The following MIEF1 variants were observed in gnomAD, a reference collection of about 807,000 sequenced individuals.
MIEF1 encodes mitochondrial elongation factor 1.
In MIEF1, 14 loss-of-function variants were observed where a neutral mutation model predicts 35.1. The observed-to-expected ratio is 0.40, with a 90% CI of 0.26 to 0.62. The LOEUF (loss-of-function observed/expected upper bound fraction) is 0.62. MIEF1 is among the 20% of genes least tolerant of loss of function. The probability of loss-of-function intolerance (pLI) is 0.43; values close to 1 mark genes in which losing one functional copy is unlikely to be tolerated. For synonymous variants in MIEF1, 245 were observed against 254.3 expected, an observed-to-expected ratio of 0.96 and a Z score of 0.35; for missense variants, 542 against 615.4, an observed-to-expected ratio of 0.88 and a Z score of 1.26.
At chr22:39,510,520 C>T (rs543836329) in intron 2 of MIEF1, among the ~76,000 whole-genome samples, 1 of 152,338 alleles carries the variant, frequency 6.6e-6, no homozygotes, top group South Asian at 2.1e-4. Context: ...ATCTTCCCAC[C>T]TCAGCCTCCC....
intron 2 of MIEF1, among the ~76,000 whole-genome samples, chr22:39,505,194 C>CAA (rs150106942): frequency 7.5e-5 from 11 of 145,698 alleles, no homozygotes; most frequent in Admixed American, 4.1e-4. Flanking sequence ...ACTCCGTCTC[C>CAA]AAAAAAAAAA....
chr22:39,505,103 A>C (rs1601742795), intron 2 of MIEF1, among the ~76,000 whole-genome samples: 1 of 152,020 alleles, frequency 6.6e-6, no homozygotes, highest in Non-Finnish European at 1.5e-5. Context: ...CTGAGGCAGG[A>C]GAATTGCTTG....
In MIEF1 at chr22:39,514,715, G is replaced by A. The variant is rs988848055; in HGVS notation, c.*392G>A. On this transcript the variant is annotated 3_prime_UTR_variant, in exon 6 of 6. Coordinates refer to ENST00000325301, the MANE Select transcript of MIEF1 (RefSeq NM_019008.6). ...TGTCTTTTCTATTTTTTCCTCTCTC[G>A]TTCATGCCTTCTGTTTTGCTCTTGT... 9.1e-5 allele frequency: 24 copies of A among 264,356 alleles called. No homozygotes were observed. Among genetic ancestry groups the A allele is most frequent in the African/African-American group, 4.7e-4 (21 of 45,160 alleles). 16.4% of individuals were successfully genotyped at this position (264,356 alleles called of 1,614,324 possible).
intron 5 of MIEF1, among the ~76,000 whole-genome samples, chr22:39,512,868 C>T (rs776125543): frequency 3.3e-5 from 5 of 151,984 alleles, no homozygotes; most frequent in African/African-American, 7.2e-5. Flanking sequence ...AGGCTGGTCT[C>T]GAATTCCTGA....
At chr22:39,504,002 C>T (rs1929886317) in intron 1 of MIEF1, 1 of 376,220 alleles carries the variant, frequency 2.7e-6, no homozygotes, top group African/African-American at 2.1e-5. Context: ...GATTTGAGCC[C>T]TGGTGAACCA....
At chr22:39,512,671 G>A (rs1930418610) in intron 5 of MIEF1, among the ~76,000 whole-genome samples, 177 bp downstream of exon 5, 1 of 151,960 alleles carries the variant, frequency 6.6e-6, no homozygotes, top group Non-Finnish European at 1.5e-5. Context: ...TTTTGAGACG[G>A]AGTCTCACTC....
At chr22:39,513,363 C>T (rs992924315) in intron 5 of MIEF1, among the ~76,000 whole-genome samples, 154 bp from the exon 6 acceptor site, 1 of 152,186 alleles carries the variant, frequency 6.6e-6, no homozygotes, top group Non-Finnish European at 1.5e-5. Context: ...CTCAGCTTCC[C>T]ACAGTGCTGA....
chr22:39,513,852 T>A lies in MIEF1; in HGVS notation c.921T>A (p.His307Gln). The A allele has an allele frequency of 6.2e-7, 1 of 1,613,942 alleles. No individual in the cohort carries two copies. Among genetic ancestry groups the A allele is most frequent in the Non-Finnish European group, 8.5e-7 (1 of 1,179,980 alleles). Residue 307 changes from histidine to glutamine, a missense_variant, in exon 6 of 6, where the codon CAT becomes CAA. By Grantham distance (24) the His-to-Gln change is conservative. Transcript: ENST00000325301. ...AGGTGCAGTATGAGCGTGACAAACA[T>A]CTCTTCATTGACTTCCTGCCATCAG... ...TLEVQYERDK[H>Q]LFIDFLPSVT... is the part of the protein sequence containing the mutation.
intron 5 of MIEF1, 138 bp downstream of exon 5, chr22:39,512,632 G>A: frequency 8.6e-7 from 1 of 1,165,122 alleles, no homozygotes; most frequent in East Asian, 2.5e-5. Context: ...AGCAGCATTT[G>A]GAGATCCATG....
At position 39,513,485 on chromosome 22, in the gene MIEF1, C is replaced by T. The variant is rs200965423; in HGVS notation, c.586-32C>T. On this transcript the variant is annotated intron_variant, in intron 5 of 5. Coordinates refer to ENST00000325301, the MANE Select transcript of MIEF1 (RefSeq NM_019008.6). The stretch of plus-strand genomic sequence containing the variant: ...AAGCATGTCTTTTGAACAGAGTAAA[C>T]CCTCAAAACCCTTTAAATTCTGCCC... 2.2e-4 allele frequency: 355 copies of T among 1,599,658 alleles called. 3 individuals are homozygous for T. In the African/African-American group the frequency reaches 3.6e-3, roughly 16 times the overall value.
At position 39,515,541 on chromosome 22, in the gene MIEF1, G is replaced by A. The variant is rs552587875; in HGVS notation, c.*1218G>A. ...TCCTGTTTCTCACCCAGCACCTGGG[G>A]AGATCGGTGCTACCAAGGAAGAGAG... On this transcript the variant is annotated 3_prime_UTR_variant, in exon 6 of 6. Coordinates refer to ENST00000325301, the MANE Select transcript of MIEF1 (RefSeq NM_019008.6). The A allele has an allele frequency of 1.1e-4, 65 of 589,306 alleles. No homozygotes were observed. In the East Asian group the frequency reaches 1.8e-3, roughly 16 times the overall value. The allele number at this position is 589,306 out of a possible 1,614,324, so 36.5% of individuals were successfully genotyped here.
chr22:39,514,315 C>G lies in MIEF1; in HGVS notation c.1384C>G (p.Gln462Glu), dbSNP rs187514447. ...CSLSEPEVLLQT is the reference protein window; with the variant it reads ...CSLSEPEVLLET ...ATTGTCTGAGCCAGAGGTGCTGCTG[C>G]AGACGTAGGGCAGGTGAAGGCCAAA... The change falls in exon 6 of 6, where the codon CAG becomes GAG. Residue 462 changes from glutamine (Q) to glutamate (E), a missense_variant. Transcript: ENST00000325301. 1 of 1,613,266 alleles carries G rather than the reference C, an allele frequency of 6.2e-7. No homozygotes were observed. Among genetic ancestry groups the G allele is most frequent in the African/African-American group, 1.3e-5 (1 of 75,032 alleles).
chr22:39,507,915 C>T (rs562044648), intron 2 of MIEF1, among the ~76,000 whole-genome samples: 1 of 152,072 alleles, frequency 6.6e-6, no homozygotes, highest in African/African-American at 2.4e-5. Context: ...GGCATCACTG[C>T]GAATTTTCAA....
intron 2 of MIEF1, among the ~76,000 whole-genome samples, chr22:39,507,410 T>C (rs960897103): frequency 6.6e-6 from 1 of 151,880 alleles, no homozygotes; most frequent in Non-Finnish European, 1.5e-5. Context: ...CACACCTGGC[T>C]AATTTTTTGT....
rs755923901 is a variant in MIEF1 at position 39,512,360 on chromosome 22, G to T, written c.451G>T (p.Ala151Ser). 4.3e-6 allele frequency: 7 copies of T among 1,614,244 alleles called. No individual in the cohort carries two copies. The highest frequency in any genetic ancestry group is 5.9e-6 in the Non-Finnish European group (7 of 1,180,050). Residue 151 changes from alanine (A) to serine (S), a missense_variant, in exon 5 of 6, where the codon GCT becomes TCT. Coordinates refer to ENST00000325301, the MANE Select transcript of MIEF1 (RefSeq NM_019008.6). ...TYYRNRAAIP[A>S]GEQARAKQAA... ...CTACCGGAACCGGGCAGCCATCCCT[G>T]CTGGAGAGCAGGCTCGGGCCAAGCA...
chr22:39,513,821 C>T lies in MIEF1; in HGVS notation c.890C>T (p.Thr297Ile), dbSNP rs1930500708. Reference sequence around the variant, plus strand: ...CCGGCCCCACCCCCAGAAGCCCTCACACTGGAGGTGCAGTATGAGCGTGAC... The same window carrying T: ...CCGGCCCCACCCCCAGAAGCCCTCATACTGGAGGTGCAGTATGAGCGTGAC... ...IRPAPPPEAL[T>I]LEVQYERDKH... Residue 297 changes from threonine to isoleucine, a missense_variant, in exon 6 of 6, where the codon ACA becomes ATA. By Grantham distance (89) the Thr-to-Ile change is moderately conservative (BLOSUM62 -1). Transcript: ENST00000325301. 6.2e-7 allele frequency: 1 copy of T among 1,614,136 alleles called. No homozygotes were observed. Among genetic ancestry groups the T allele is most frequent in the Middle Eastern group, 1.6e-4 (1 of 6,062 alleles).
rs373651311 is a variant in MIEF1 at position 39,512,069 on chromosome 22, C to G, written c.322+43C>G. 8 of 1,592,252 alleles carry G rather than the reference C, an allele frequency of 5.0e-6. No individual in the cohort carries two copies. The African/African-American group carries it at 6.7e-5, about 13-fold the overall frequency. On this transcript the variant is annotated intron_variant, in intron 4 of 5. Transcript: ENST00000325301. ...CCCTCCTGGGACCTCTCTGGACTTTCAGTACCACTCCTGCACTCAGCAGAT... is the reference window on the plus strand; with the variant it reads ...CCCTCCTGGGACCTCTCTGGACTTTGAGTACCACTCCTGCACTCAGCAGAT...
In MIEF1 at chr22:39,514,075, G is replaced by A; in HGVS notation, c.1144G>A (p.Ala382Thr). 2 of 1,614,074 alleles carry A rather than the reference G, an allele frequency of 1.2e-6. No individual in the cohort carries two copies. The highest frequency in any genetic ancestry group is 1.3e-5 in the African/African-American group (1 of 75,046). Residue 382 changes from alanine (A) to threonine (T), a missense_variant, in exon 6 of 6, where the codon GCC becomes ACC. Coordinates refer to ENST00000325301, the MANE Select transcript of MIEF1 (RefSeq NM_019008.6). ...CACCCCGGCTCTGGGCCACCTCACT[G>A]CCAGCCAGCTAACCAATGTCATCCT... The part of the protein sequence containing the change: ...KSTPALGHLT[A>T]SQLTNVILHL...
intron 2 of MIEF1, among the ~76,000 whole-genome samples, chr22:39,510,716 T>A (rs1254314882): frequency 6.6e-6 from 1 of 152,234 alleles, no homozygotes; most frequent in African/African-American, 2.4e-5. Context: ...AGAAATGACC[T>A]GCATTATAAC....
Sources: gnomAD v4.1 joint callset for allele counts (sites outside exome capture counted in the v4.1 genomes callset) on GRCh38, gnomAD v4.1.1 for gene constraint, MANE v1.5 for transcripts, NCBI Gene and HGNC (gene_info 2026-07-23, HGNC 2026-07-21) for gene names.